Variants in CELF2 observed in about 807,000 individuals in gnomAD.
The protein encoded by CELF2 is CUG triplet repeat RNA-binding protein 2.
CELF2 carries 8 observed loss-of-function variants against 62.6 expected under a neutral mutation model. That is an observed-to-expected ratio of 0.13 (90% CI 0.07 to 0.23). CELF2 has a LOEUF of 0.23. CELF2 is among the 10% of genes least tolerant of loss of function. The probability of loss-of-function intolerance (pLI) is 1.00; values close to 1 mark genes in which losing one functional copy is unlikely to be tolerated. For missense variants in CELF2, 333 were observed against 671.0 expected, an observed-to-expected ratio of 0.50 and a Z score of 5.56; for synonymous variants, 258 against 250.0, an observed-to-expected ratio of 1.03 and a Z score of -0.30.
the CELF2 span, among the ~76,000 whole-genome samples, chr10:10,730,295 G>A: frequency 6.6e-6 from 1 of 152,154 alleles, no homozygotes; most frequent in African/African-American, 2.4e-5. Flanking sequence ...TGGCCAAGAT[G>A]GTGAAACCCT....
chr10:10,818,292 A>G (rs1406402879), intron 1 of CELF2, among the ~76,000 whole-genome samples: 5 of 152,154 alleles, frequency 3.3e-5, no homozygotes, highest in Non-Finnish European at 7.3e-5. Flanking sequence ...GCATGAGTGT[A>G]TCAGTCACAT....
At chr10:10,575,076 G>A in the CELF2 span, among the ~76,000 whole-genome samples, 1 of 152,146 alleles carries the variant, frequency 6.6e-6, no homozygotes, top group African/African-American at 2.4e-5. Context: ...TATTAAAAAT[G>A]CTAAGTATAC....
At chr10:10,984,662 A>G (rs1326335592) in intron 2 of CELF2, among the ~76,000 whole-genome samples, 1 of 152,168 alleles carries the variant, frequency 6.6e-6, no homozygotes, top group African/African-American at 2.4e-5. Context: ...TAGGCTGACA[A>G]ATAAATATAC....
the CELF2 span, among the ~76,000 whole-genome samples, chr10:10,473,044 T>C: frequency 6.6e-6 from 1 of 152,136 alleles, no homozygotes; most frequent in East Asian, 1.9e-4. Flanking sequence ...ATGAGTACTG[T>C]TGTGGATTGA....
chr10:10,501,060 G>A, the CELF2 span, among the ~76,000 whole-genome samples: 2 of 152,214 alleles, frequency 1.3e-5, no homozygotes, highest in Non-Finnish European at 2.9e-5. Flanking sequence ...TTGGGGCTAT[G>A]ATGAATTAAG....
the CELF2 span, among the ~76,000 whole-genome samples, chr10:10,594,694 C>T: frequency 6.6e-6 from 1 of 152,230 alleles, no homozygotes; most frequent in African/African-American, 2.4e-5. Context: ...AGAACCATGA[C>T]TAGGGGAGTG....
At chr10:10,874,288 A>G (rs2060946874) in intron 1 of CELF2, among the ~76,000 whole-genome samples, 1 of 152,236 alleles carries the variant, frequency 6.6e-6, no homozygotes, top group Non-Finnish European at 1.5e-5. Context: ...ACTGCACTCC[A>G]GCCTGAGTGA....
Position 10,890,950 on chromosome 10 carries a change from G to A in CELF2, c.54-29014G>A, listed in dbSNP as rs7091682. Among the ~76,000 whole-genome samples, 639 of 152,244 alleles carry A rather than the reference G, an allele frequency of 4.2e-3. 5 individuals are homozygous for A. Among genetic ancestry groups the A allele is most frequent in the Middle Eastern group, 0.01 (3 of 294 alleles). On this transcript the variant is annotated intron_variant, in intron 1 of 13. Coordinates refer to the CELF2 transcript ENST00000636488. The stretch of plus-strand genomic sequence containing the variant: ...GAATCACTTGAACCTGGGAGGTGGA[G>A]GTTGCAGTGAGCCGAGACTGCAGCA...
chr10:10,673,818 A>T, the CELF2 span, among the ~76,000 whole-genome samples: 2 of 152,152 alleles, frequency 1.3e-5, no homozygotes, highest in African/African-American at 2.4e-5. Context: ...TAATCTCCAC[A>T]TAGCTTCTGA....
At chr10:10,498,515 A>G in the CELF2 span, among the ~76,000 whole-genome samples, 1 of 152,248 alleles carries the variant, frequency 6.6e-6, no homozygotes, top group Non-Finnish European at 1.5e-5. Context: ...GGTGGAAAGC[A>G]TAGTGTAAGG....
chr10:10,772,837 A>C, the CELF2 span, among the ~76,000 whole-genome samples: 1 of 142,178 alleles, frequency 7.0e-6, no homozygotes, highest in South Asian at 2.4e-4. Context: ...TCAAGTAAAA[A>C]GAAAACTCAC....
intron 10 of CELF2, chr10:11,320,821 C>G (rs758499841): frequency 1.4e-6 from 2 of 1,417,888 alleles, no homozygotes; most frequent in South Asian, 2.5e-5. Flanking sequence ...GCCTCTGCTA[C>G]TAAGGTTTTT....
chr10:10,788,137 C>T, the CELF2 span, among the ~76,000 whole-genome samples: 2 of 152,134 alleles, frequency 1.3e-5, no homozygotes, highest in African/African-American at 2.4e-5. Flanking sequence ...TGAAGCCCTG[C>T]TTTTCAAAGA....
chr10:10,560,722 G>C, the CELF2 span, among the ~76,000 whole-genome samples: 1 of 152,144 alleles, frequency 6.6e-6, no homozygotes, highest in Admixed American at 6.6e-5. Flanking sequence ...ACTTGTACAC[G>C]CATGTTTATA....
At chr10:11,256,616 A>G (rs914840952) in intron 4 of CELF2, among the ~76,000 whole-genome samples, 3 of 148,560 alleles carry the variant, frequency 2.0e-5, no homozygotes, top group African/African-American at 5.0e-5. Flanking sequence ...TTGAAATGAA[A>G]CGATGGAAAA....
At chr10:10,914,511 G>A (rs1206927053) in intron 1 of CELF2, among the ~76,000 whole-genome samples, 2 of 152,128 alleles carry the variant, frequency 1.3e-5, no homozygotes, top group Non-Finnish European at 2.9e-5. Flanking sequence ...CCAAAACTGT[G>A]TCAGACACAG....
chr10:11,174,894 G>C (rs115938355), intron 2 of CELF2, among the ~76,000 whole-genome samples: 8 of 152,266 alleles, frequency 5.3e-5, no homozygotes, highest in Admixed American at 4.6e-4. Flanking sequence ...ACATCAGGGA[G>C]GGGGAGGAGC....
Position 11,316,441 on chromosome 10 carries a change from C to G in CELF2, c.1096+2183C>G, listed in dbSNP as rs2094988827. ...ATATTTGCTGCTTGTCTCTAAATAT[C>G]AACAGAAAACCTTCCAAGATAGAGT... On this transcript the variant is annotated intron_variant, in intron 10 of 12. Coordinates refer to ENST00000633077, the MANE Select transcript of CELF2 (RefSeq NM_001326342.2). The surrounding 1 kb of genome is among the most constrained non-coding windows in gnomAD (Gnocchi z 4.4). Among the ~76,000 whole-genome samples the G allele has an allele frequency of 1.3e-5, 2 of 152,204 alleles. No homozygotes were observed. Among genetic ancestry groups the G allele is most frequent in the Non-Finnish European group, 2.9e-5 (2 of 68,024 alleles).
chr10:11,292,287 G>A (rs1175038117), intron 9 of CELF2, among the ~76,000 whole-genome samples: 1 of 152,206 alleles, frequency 6.6e-6, no homozygotes. Context: ...TTTGGACGTT[G>A]TTCAGGCATT....
Sources: allele counts gnomAD v4.1 joint callset (sites outside exome capture counted in the v4.1 genomes callset), GRCh38; gene constraint gnomAD v4.1.1; non-coding constraint Gnocchi (gnomAD v3.1); transcripts MANE v1.5; gene names NCBI Gene and HGNC (gene_info 2026-07-23, HGNC 2026-07-21).